Variants in FAM13C observed in about 807,000 individuals in gnomAD.
FAM13C encodes the protein protein FAM13C.
FAM13C carries 37 observed loss-of-function variants against 73.2 expected under a neutral mutation model. That is an observed-to-expected ratio of 0.51 (90% confidence interval 0.39 to 0.67). The LOEUF (loss-of-function observed/expected upper bound fraction) is 0.67, where lower values mean the gene tolerates loss of function less well. FAM13C is among the 30% of genes least tolerant of loss of function. FAM13C has a pLI of 0.00. For synonymous variants in FAM13C, 246 were observed against 260.9 expected (o/e 0.94, Z 0.55); for missense variants, 589 against 715.6 (o/e 0.82, Z 2.02).
chr10:59,289,974 G>A (rs1206872667), intron 5 of FAM13C, among the ~76,000 whole-genome samples: 4 of 152,152 alleles, frequency 2.6e-5, no homozygotes, highest in Admixed American at 2.0e-4. Context: ...GGAAAATTGA[G>A]TAAGGGCTAA....
chr10:59,363,013 G>T, upstream of FAM13C: 1 of 162,430 alleles, frequency 6.2e-6, no homozygotes, highest in Non-Finnish European at 1.3e-5. Context: ...AAGGGGGAGG[G>T]GGATATTGCT....
At chr10:59,249,535 T>G (rs1490725244) in intron 13 of FAM13C, among the ~76,000 whole-genome samples, 1 of 152,144 alleles carries the variant, frequency 6.6e-6, no homozygotes, top group Non-Finnish European at 1.5e-5. Context: ...GGCTAATAAT[T>G]ATTAATAATA....
chr10:59,321,249 C>G (rs1850209483), intron 4 of FAM13C, among the ~76,000 whole-genome samples: 1 of 151,892 alleles, frequency 6.6e-6, no homozygotes, highest in African/African-American at 2.4e-5. Context: ...TGTTTCCCAG[C>G]CATGATCAGA....
At chr10:59,352,778 A>T (rs1855236795) in intron 2 of FAM13C, among the ~76,000 whole-genome samples, 1 of 152,194 alleles carries the variant, frequency 6.6e-6, no homozygotes. Flanking sequence ...CATATATCAT[A>T]TTTCCCTCTC....
At chr10:59,256,840 G>GC (rs1841991440) in intron 10 of FAM13C, among the ~76,000 whole-genome samples, 1 of 152,158 alleles carries the variant, frequency 6.6e-6, no homozygotes, top group African/African-American at 2.4e-5. Context: ...TTATTCTTCA[G>GC]CTACTGTCTG....
At chr10:59,352,598 T>G in intron 2 of FAM13C, 124 bp from the exon 3 acceptor site, 12 of 956,780 alleles carry the variant, frequency 1.3e-5, no homozygotes, top group South Asian at 1.8e-5. Flanking sequence ...GCAAAATTTT[T>G]AGCCTACACT....
chr10:59,352,555 T>G, intron 2 of FAM13C, 81 bp from the exon 3 acceptor site: 1 of 1,384,208 alleles, frequency 7.2e-7, no homozygotes, highest in Non-Finnish European at 9.6e-7. Context: ...CTGGAGATAT[T>G]CATTGCTGCT....
At chr10:59,313,843 C>T (rs748039203) in intron 4 of FAM13C, among the ~76,000 whole-genome samples, 1 of 152,156 alleles carries the variant, frequency 6.6e-6, no homozygotes, top group African/African-American at 2.4e-5. Context: ...CCAAGAGAGG[C>T]GTGAGATTAT....
In FAM13C at chr10:59,362,451, A is replaced by G; in HGVS notation, c.10T>C (p.Cys4Arg). 6.2e-7 allele frequency: 1 copy of G among 1,613,922 alleles called. No individual in the cohort carries two copies. MFS[C>R]FCFSLQDNSF... ...TTATCCTGAAGGCTGAAACAGAAAC[A>G]AGAAAACATCAGCCAAGTCTGGCCG... Residue 4 changes from cysteine (C) to arginine (R), a missense_variant, in exon 1 of 14, where the codon TGT (cysteine) becomes CGT (arginine). Transcript: ENST00000618804.
chr10:59,362,255 C>A, intron 1 of FAM13C, 144 bp downstream of exon 1: 2 of 1,149,302 alleles, frequency 1.7e-6, no homozygotes, highest in Admixed American at 4.9e-5. Context: ...CCAGTCAGCA[C>A]GTCTCACGGT....
intron 4 of FAM13C, among the ~76,000 whole-genome samples, chr10:59,306,126 C>G (rs1848220792): frequency 6.6e-6 from 1 of 152,190 alleles, no homozygotes; most frequent in Admixed American, 6.5e-5. Flanking sequence ...TTACACTCTT[C>G]AAATACAAGT....
At chr10:59,305,556 A>G (rs1298328194) in intron 4 of FAM13C, among the ~76,000 whole-genome samples, 1 of 152,244 alleles carries the variant, frequency 6.6e-6, no homozygotes, top group African/African-American at 2.4e-5. Flanking sequence ...AACAAGGTCA[A>G]TATCTAAATG....
At position 59,260,717 on chromosome 10, in the gene FAM13C, A is replaced by T. The variant is rs771699696; in HGVS notation, c.1236+1717T>A. On this transcript the variant is annotated intron_variant, in intron 10 of 13. Transcript: ENST00000618804. ...CAACATGAACTACATGAGGGCATTG[A>T]CCACCCCCCAATGGCTTCGATATCT... Among the ~76,000 whole-genome samples the T allele has an allele frequency of 3.9e-5, 6 of 152,074 alleles. No individual in the cohort carries two copies. The East Asian group carries it at 5.8e-4, about 15-fold the overall frequency.
At chr10:59,321,432 C>CT (rs1057110939) in intron 4 of FAM13C, among the ~76,000 whole-genome samples, 4,974 of 57,978 alleles carry the variant, frequency 0.086, 346 homozygotes, top group East Asian at 0.28. Context: ...CTGCCAACAC[C>CT]TTTTTTTTTT....
In FAM13C at chr10:59,270,090, T is replaced by G. The variant is rs751346288; in HGVS notation, c.612A>C (p.Lys204Asn). ...CACTGTCGGCCTCATTCTGCCCATC[T>G]TTGTGGACTGGTGAGGGGTCTGGGC... is the stretch of plus-strand genomic sequence containing the variant. ...TDSADPSPVH[K>N]DGQNEADSAP... The change falls in exon 7 of 14, where the codon AAA becomes AAC. Residue 204 changes from lysine (K) to asparagine (N), a missense_variant. Coordinates refer to ENST00000618804, the MANE Select transcript of FAM13C (RefSeq NM_198215.4). 1 of 1,613,228 alleles carries G rather than the reference T, an allele frequency of 6.2e-7. No individual in the cohort carries two copies. Among genetic ancestry groups the G allele is most frequent in the Non-Finnish European group, 8.5e-7 (1 of 1,179,698 alleles).
intron 3 of FAM13C, among the ~76,000 whole-genome samples, chr10:59,345,333 G>C (rs980654405): frequency 1.3e-5 from 2 of 152,142 alleles, no homozygotes; most frequent in East Asian, 1.9e-4. Context: ...TTCTCCATTG[G>C]TTAACTTAAA....
chr10:59,321,142 G>C (rs1302993943), intron 4 of FAM13C, among the ~76,000 whole-genome samples: 1 of 152,106 alleles, frequency 6.6e-6, no homozygotes, highest in East Asian at 1.9e-4. Context: ...TACCTTATGT[G>C]ACAAAAAGGA....
At chr10:59,292,353 T>C (rs1409365780) in intron 5 of FAM13C, among the ~76,000 whole-genome samples, 2 of 152,268 alleles carry the variant, frequency 1.3e-5, no homozygotes, top group Admixed American at 6.5e-5. Flanking sequence ...TGTTTCTTTG[T>C]GGCTTTGTTT....
At chr10:59,328,487 A>AAAAAC (rs58693118) in intron 3 of FAM13C, among the ~76,000 whole-genome samples, 8,995 of 151,942 alleles carry the variant, frequency 0.059, 785 homozygotes, top group African/African-American at 0.19. Flanking sequence ...GGCCATCAAG[A>AAAAAC]AAAACAAAAC....
Sources: gnomAD v4.1 joint callset for allele counts (sites outside exome capture counted in the v4.1 genomes callset) on GRCh38, gnomAD v4.1.1 for gene constraint, MANE v1.5 for transcripts, NCBI Gene and HGNC (gene_info 2026-07-23, HGNC 2026-07-21) for gene names.